Variants in EPHB1 observed in about 807,000 individuals in gnomAD.
EPHB1 encodes EPH receptor B1.
A neutral mutation model predicts 94.4 loss-of-function variants in EPHB1; 30 were observed. That is an observed-to-expected ratio of 0.32 (90% CI 0.24 to 0.43). EPHB1 has a LOEUF of 0.43. EPHB1 is among the 20% of genes least tolerant of loss of function. EPHB1 has a pLI of 1.00. For synonymous variants in EPHB1, 522 were observed against 489.1 expected, an observed-to-expected ratio of 1.07 and a Z score of -0.89; for missense variants, 1,055 against 1,308.3, an observed-to-expected ratio of 0.81 and a Z score of 2.99.
At chr3:135,209,007 C>A (rs902402159) in intron 12 of EPHB1, among the ~76,000 whole-genome samples, 2 of 152,082 alleles carry the variant, frequency 1.3e-5, no homozygotes, top group East Asian at 3.9e-4. Flanking sequence ...ACAACAAAAA[C>A]AACATCCAGC....
At chr3:135,121,234 A>G (rs551991388) in intron 4 of EPHB1, among the ~76,000 whole-genome samples, 1 of 152,262 alleles carries the variant, frequency 6.6e-6, no homozygotes, top group South Asian at 2.1e-4. Flanking sequence ...TGCCTGATGG[A>G]CTTTGGCCCA....
chr3:135,218,491 A>G (rs6777929), intron 12 of EPHB1, among the ~76,000 whole-genome samples: 99,838 of 152,126 alleles, frequency 0.66, 33,956 homozygotes, highest in Middle Eastern at 0.77. Context: ...CTGAGCCAGC[A>G]TGTACCCAGG....
In EPHB1 at chr3:135,004,543, C is replaced by T. The variant is rs1277462072; in HGVS notation, c.805+52491C>T. On this transcript the variant is annotated intron_variant, in intron 3 of 15. Coordinates refer to ENST00000398015, the MANE Select transcript of EPHB1 (RefSeq NM_004441.5). ...TTGGGAAGTTCTCCTGGATAATATCCTGCAGAGTGTTTTCCAACTTGGTTC... is the reference window on the plus strand; with the variant it reads ...TTGGGAAGTTCTCCTGGATAATATCTTGCAGAGTGTTTTCCAACTTGGTTC... Among the ~76,000 whole-genome samples the T allele has an allele frequency of 4.6e-5, 7 of 152,260 alleles. No homozygotes were observed. In the East Asian group the frequency reaches 1.2e-3, roughly 25 times the overall value.
intron 1 of EPHB1, among the ~76,000 whole-genome samples, chr3:134,921,269 C>A (rs36192): frequency 0.02 from 2,988 of 152,248 alleles, 64 homozygotes; most frequent in African/African-American, 0.048. Context: ...CCGTCTCTGT[C>A]CCAAGAGGCA....
chr3:134,864,408 AT>A (rs2037329996), intron 1 of EPHB1, among the ~76,000 whole-genome samples: 1 of 152,134 alleles, frequency 6.6e-6, no homozygotes, highest in South Asian at 2.1e-4. Flanking sequence ...GGGCACACAC[AT>A]TCCTGCCTTT....
intron 3 of EPHB1, among the ~76,000 whole-genome samples, chr3:135,004,068 T>G (rs1305682956): frequency 2.0e-5 from 3 of 152,080 alleles, no homozygotes; most frequent in Non-Finnish European, 2.9e-5. Flanking sequence ...GGTCTTTTCA[T>G]TTTGGCATGA....
intron 15 of EPHB1, among the ~76,000 whole-genome samples, chr3:135,252,005 C>G (rs1234124626): frequency 6.6e-6 from 1 of 152,116 alleles, no homozygotes; most frequent in Non-Finnish European, 1.5e-5. Flanking sequence ...CTGAGCCCTA[C>G]TTGCCTTGTT....
Position 135,137,004 on chromosome 3 carries a change from C to T in EPHB1, c.1297+3955C>T, listed in dbSNP as rs142889949. ...CTGGCCCCAGATTCAGACTGATGGC[C>T]GGATCATCTGGCTGTCAGAGAGAAT... On this transcript the variant is annotated intron_variant, in intron 5 of 15. Transcript: ENST00000398015. 1.0e-2 allele frequency among the ~76,000 whole-genome samples: 1,519 copies of T among 152,274 alleles called. 14 individuals are homozygous for T. Among genetic ancestry groups the T allele is most frequent in the Middle Eastern group, 0.031 (9 of 294 alleles).
chr3:135,086,603 A>T (rs1038506131), intron 3 of EPHB1, among the ~76,000 whole-genome samples: 3 of 151,780 alleles, frequency 2.0e-5, no homozygotes, highest in African/African-American at 7.3e-5. Flanking sequence ...CATTTTGCCT[A>T]CCTAGTAAAC....
At chr3:135,140,960 G>T (rs1404497391) in intron 5 of EPHB1, among the ~76,000 whole-genome samples, 2 of 152,122 alleles carry the variant, frequency 1.3e-5, no homozygotes, top group Non-Finnish European at 2.9e-5. Flanking sequence ...GAGGAAAAAG[G>T]CACATTGAAT....
chr3:134,975,124 T>C (rs972389266), intron 3 of EPHB1, among the ~76,000 whole-genome samples: 4 of 152,194 alleles, frequency 2.6e-5, no homozygotes, highest in Admixed American at 6.5e-5. Context: ...AGACTTTTCA[T>C]GATCTTATTT....
chr3:134,999,249 G>T (rs1459390519), intron 3 of EPHB1, among the ~76,000 whole-genome samples: 1 of 152,154 alleles, frequency 6.6e-6, no homozygotes, highest in Non-Finnish European at 1.5e-5. Flanking sequence ...GAGAAAATCA[G>T]CATGCCGGAA....
chr3:135,071,098 C>T (rs1041754068), intron 3 of EPHB1, among the ~76,000 whole-genome samples: 3 of 152,176 alleles, frequency 2.0e-5, no homozygotes, highest in African/African-American at 7.2e-5. Context: ...CTAAGGAGAT[C>T]CATCCAGCCA....
At chr3:135,223,123 AT>A (rs1206570953) in intron 12 of EPHB1, among the ~76,000 whole-genome samples, 1 of 152,246 alleles carries the variant, frequency 6.6e-6, no homozygotes, top group Non-Finnish European at 1.5e-5. Flanking sequence ...ATATGAGACC[AT>A]TTGACATCAA....
At chr3:134,836,364 A>T (rs1249718710) in intron 1 of EPHB1, among the ~76,000 whole-genome samples, 1 of 152,232 alleles carries the variant, frequency 6.6e-6, no homozygotes, top group Non-Finnish European at 1.5e-5. Flanking sequence ...TAAAAGATGC[A>T]TTTAAAGAAT....
At chr3:135,224,593 T>C (rs1267801169) in intron 12 of EPHB1, among the ~76,000 whole-genome samples, 1 of 152,206 alleles carries the variant, frequency 6.6e-6, no homozygotes, top group South Asian at 2.1e-4. Context: ...TACAGGAAAA[T>C]AATGTTAGGC....
chr3:135,148,026 G>C (rs73862034), intron 5 of EPHB1, among the ~76,000 whole-genome samples: 6,363 of 152,278 alleles, frequency 0.042, 436 homozygotes, highest in African/African-American at 0.14. Flanking sequence ...ACAGTAAACT[G>C]TTATATCATT....
At chr3:134,823,667 A>G (rs1278512952) in intron 1 of EPHB1, among the ~76,000 whole-genome samples, 1 of 152,206 alleles carries the variant, frequency 6.6e-6, no homozygotes, top group East Asian at 1.9e-4. Context: ...CCCATGAGGC[A>G]ATTAGCCATG....
intron 12 of EPHB1, among the ~76,000 whole-genome samples, chr3:135,218,631 G>C (rs1943209070): frequency 6.6e-6 from 1 of 152,174 alleles, no homozygotes; most frequent in African/African-American, 2.4e-5. Context: ...CAGCCACCTG[G>C]GTGCAGGCCC....
Sources: gnomAD v4.1 joint callset for allele counts (sites outside exome capture counted in the v4.1 genomes callset) on GRCh38, gnomAD v4.1.1 for gene constraint, MANE v1.5 for transcripts, NCBI Gene and HGNC (gene_info 2026-07-23, HGNC 2026-07-21) for gene names.